The following KDR variants were observed in gnomAD, a reference collection of about 807,000 sequenced individuals.
The protein encoded by KDR is vascular endothelial growth factor receptor 2.
KDR carries 43 observed loss-of-function variants against 160.9 expected under a neutral mutation model. The ratio of observed to expected loss-of-function variants is 0.27; its 90% confidence interval spans 0.21 to 0.34. The LOEUF is 0.34. Ranked by LOEUF, KDR falls within the 10% of genes least tolerant of loss-of-function variation. The pLI is 1.00. For synonymous variants in KDR, 617 were observed against 600.1 expected (o/e 1.03, Z -0.41); for missense variants, 1,469 against 1,666.4 (o/e 0.88, Z 2.06).
chr4:55,098,631 C>T (rs1720222353), intron 16 of KDR, 66 bp downstream of exon 16: 1 of 1,197,946 alleles, frequency 8.3e-7, no homozygotes, highest in African/African-American at 1.5e-5. Context: ...ACTCAAAGAA[C>T]CCCAGTCAGT....
intron 1 of KDR, among the ~76,000 whole-genome samples, chr4:55,122,586 G>A (rs541005059): frequency 6.6e-6 from 1 of 152,274 alleles, no homozygotes; most frequent in South Asian, 2.1e-4. Context: ...ATGAATAAGT[G>A]ACTGCACATG....
At chr4:55,105,981 G>A (rs1302490586) in intron 11 of KDR, 41 bp from the exon 12 acceptor site, 17 of 1,248,998 alleles carry the variant, frequency 1.4e-5, no homozygotes, top group South Asian at 3.6e-5. Flanking sequence ...TAAACAACGC[G>A]GCTGTTTGTG....
intron 25 of KDR, 72 bp downstream of exon 25, chr4:55,089,302 T>C: frequency 1.8e-6 from 2 of 1,095,050 alleles, no homozygotes; most frequent in Non-Finnish European, 2.8e-6. Context: ...GTCTATATAA[T>C]GGAAAGTCTT....
At position 55,105,895 on chromosome 4, in the gene KDR, A is replaced by G; in HGVS notation, c.1582T>C (p.Tyr528His). Residue 528 changes from tyrosine (Y) to histidine (H), a missense_variant, in exon 12 of 30, where the codon TAC becomes CAC. Coordinates refer to ENST00000263923, the MANE Select transcript of KDR (RefSeq NM_002253.4). ...ACTTTGTTGACCGCTTCACATTTGT[A>G]CAAAGCTGACACATTTGCCGCTTGG... ...VIQAANVSAL[Y>H]KCEAVNKVGR... 1 of 1,613,676 alleles carries G rather than the reference A, an allele frequency of 6.2e-7. No homozygotes were observed. Among genetic ancestry groups the G allele is most frequent in the Admixed American group, 1.7e-5 (1 of 60,010 alleles).
At position 55,105,957 on chromosome 4, in the gene KDR, C is replaced by A. The variant is rs2110024098; in HGVS notation, c.1537-17G>T. 1.3e-6 allele frequency: 2 copies of A among 1,530,638 alleles called. No homozygotes were observed. Among genetic ancestry groups the A allele is most frequent in the East Asian group, 2.2e-5 (1 of 44,454 alleles). 94.8% of individuals were successfully genotyped at this position (1,530,638 alleles called of 1,614,324 possible). On this transcript the variant is annotated splice_polypyrimidine_tract_variant and intron_variant, in intron 11 of 29. Transcript: ENST00000263923. ...ACTTACAGTCTGTGCGGGGAAAAAA[C>A]AAATCCCAGGCCATAAACAACGCGG... is the stretch of plus-strand genomic sequence containing the variant.
intron 18 of KDR, among the ~76,000 whole-genome samples, chr4:55,097,260 A>G (rs1288154495): frequency 6.6e-6 from 1 of 152,196 alleles, no homozygotes; most frequent in Non-Finnish European, 1.5e-5. Flanking sequence ...CCAATTCTGG[A>G]GAACATGCTA....
At chr4:55,089,333 A>G (rs753701918) in intron 25 of KDR, 41 bp downstream of exon 25, 3 of 1,443,046 alleles carry the variant, frequency 2.1e-6, no homozygotes. Context: ...AGAATTTGCG[A>G]GCAAAGAAAG....
At chr4:55,102,140 C>A (rs1720327687) in intron 14 of KDR, 112 bp from the exon 15 acceptor site, 13 of 1,482,524 alleles carry the variant, frequency 8.8e-6, no homozygotes, top group Non-Finnish European at 1.2e-5. Flanking sequence ...TATTATCTAA[C>A]TCTGTAGAGT....
chr4:55,081,956 C>T lies in KDR; in HGVS notation c.3848G>A (p.Gly1283Asp), dbSNP rs1490930990. The change falls in exon 29 of 30, where the codon GGT becomes GAT. Residue 1283 changes from glycine (G) to aspartate (D), a missense_variant and splice_region_variant. Coordinates refer to ENST00000263923, the MANE Select transcript of KDR (RefSeq NM_002253.4). ...TCTTTTTAATATGGCTGAGTCTTAC[C>T]CAAAAGATGGAGATAATTTGGTTCT... ...EDRTKLSPSF[G>D]GMVPSKSRES... 2 of 1,606,264 alleles carry T rather than the reference C, an allele frequency of 1.2e-6. No homozygotes were observed. Among genetic ancestry groups the T allele is most frequent in the Non-Finnish European group, 1.7e-6 (2 of 1,172,978 alleles).
At chr4:55,105,038 C>T in intron 12 of KDR, 54 bp from the exon 13 acceptor site, 1 of 1,424,542 alleles carries the variant, frequency 7.0e-7, no homozygotes, top group Non-Finnish European at 9.8e-7. Context: ...GTACAGCTCA[C>T]TATCATCTTG....
chr4:55,097,827 T>C, intron 17 of KDR, 61 bp from the exon 18 acceptor site: 1 of 1,175,492 alleles, frequency 8.5e-7, no homozygotes, highest in Admixed American at 1.7e-5. Context: ...ACCAAAGTGA[T>C]ACGCAGAGAC....
intron 21 of KDR, 114 bp from the exon 22 acceptor site, chr4:55,092,828 TAGAAGC>T (rs1248732294): frequency 8.0e-5 from 60 of 753,424 alleles, no homozygotes; most frequent in Middle Eastern, 2.3e-4. Context: ...TTTTAGGAAA[TAGAAGC>T]AGAGAGTCAA....
At chr4:55,114,081 A>G (rs1442015576) in intron 6 of KDR, 45 bp downstream of exon 6, 1 of 1,611,184 alleles carries the variant, frequency 6.2e-7, no homozygotes, top group African/African-American at 1.3e-5. Context: ...ACTGGGGCTT[A>G]TTATCTAAGT....
intron 11 of KDR, 118 bp downstream of exon 11, chr4:55,106,569 C>T (rs573562846): frequency 3.9e-5 from 31 of 795,376 alleles, no homozygotes; most frequent in Middle Eastern, 3.7e-4. Context: ...TGACTTAATA[C>T]GCTCTATTTA....
chr4:55,085,916 G>A (rs954963187), intron 27 of KDR, among the ~76,000 whole-genome samples: 3 of 152,172 alleles, frequency 2.0e-5, no homozygotes, highest in African/African-American at 7.2e-5. Context: ...AGCACCATAT[G>A]CAAAGCACCC....
intron 27 of KDR, among the ~76,000 whole-genome samples, chr4:55,085,073 A>G (rs1241677739): frequency 6.6e-6 from 1 of 152,236 alleles, no homozygotes; most frequent in East Asian, 1.9e-4. Context: ...AACTGCAAAG[A>G]AATTTTTGAT....
At chr4:55,094,339 G>A (rs953783931) in intron 21 of KDR, among the ~76,000 whole-genome samples, 9 of 152,192 alleles carry the variant, frequency 5.9e-5, no homozygotes, top group African/African-American at 2.2e-4. Context: ...TAAGCCGCTT[G>A]GGGTAGGGTA....
At chr4:55,100,251 G>C (rs1220212913) in intron 15 of KDR, among the ~76,000 whole-genome samples, 1 of 152,122 alleles carries the variant, frequency 6.6e-6, no homozygotes, top group Non-Finnish European at 1.5e-5. Flanking sequence ...ACCATTGAGA[G>C]ACAAGCACAA....
intron 3 of KDR, among the ~76,000 whole-genome samples, chr4:55,116,954 A>G (rs1274966495): frequency 6.6e-6 from 1 of 152,202 alleles, no homozygotes; most frequent in East Asian, 1.9e-4. Context: ...CTTTAAGCTT[A>G]GACAGGAAGC....
Sources: allele counts gnomAD v4.1 joint callset (sites outside exome capture counted in the v4.1 genomes callset), GRCh38; gene constraint gnomAD v4.1.1; transcripts MANE v1.5; gene names NCBI Gene and HGNC (gene_info 2026-07-23, HGNC 2026-07-21).